Variants in PDE4B observed in about 807,000 individuals in gnomAD.
The protein encoded by PDE4B is phosphodiesterase 4B, also known as 3',5'-cyclic-AMP phosphodiesterase 4B.
Under a neutral mutation model 82.2 loss-of-function variants are expected in PDE4B, and 20 were observed. The ratio of observed to expected loss-of-function variants is 0.24; its 90% CI spans 0.17 to 0.35. PDE4B has a LOEUF of 0.35. Among genes scored for constraint, PDE4B ranks in the 10% least tolerant of loss-of-function variants. The pLI is 1.00. For synonymous variants in PDE4B, 320 were observed against 318.9 expected, an observed-to-expected ratio of 1.00 and a Z score of -0.04; for missense variants, 655 against 907.2, an observed-to-expected ratio of 0.72 and a Z score of 3.57.
chr1:66,325,567 C>T (rs372329710), intron 7 of PDE4B, among the ~76,000 whole-genome samples: 3 of 152,304 alleles, frequency 2.0e-5, no homozygotes, highest in Non-Finnish European at 2.9e-5. Flanking sequence ...TGTGAAAAAA[C>T]GATCCATCAG....
chr1:66,068,902 A>C (rs979987535), intron 3 of PDE4B, among the ~76,000 whole-genome samples: 1 of 151,992 alleles, frequency 6.6e-6, no homozygotes, highest in Non-Finnish European at 1.5e-5. Flanking sequence ...GGTTACCTGT[A>C]GGTAAGTGTC....
At position 66,372,826 on chromosome 1, in the gene PDE4B, AC is replaced by A; in HGVS notation, c.*150del. The A allele has an allele frequency of 1.4e-6, 1 of 721,406 alleles. No homozygotes were observed. Among genetic ancestry groups the A allele is most frequent in the Non-Finnish European group, 2.2e-6 (1 of 448,612 alleles). 44.7% of individuals were successfully genotyped at this position (721,406 alleles called of 1,614,324 possible). On this transcript the variant is annotated 3_prime_UTR_variant, in exon 17 of 17. Coordinates refer to ENST00000341517, the MANE Select transcript of PDE4B (RefSeq NM_002600.4). ...CTTGAGTTTGGAGTCAGAAAGCAAG[AC>A]CAGGAAGCAAATAGCAGCTCAGGAA...
intron 3 of PDE4B, among the ~76,000 whole-genome samples, chr1:66,237,376 T>C (rs1180027985): frequency 6.6e-6 from 1 of 152,164 alleles, no homozygotes; most frequent in Admixed American, 6.5e-5. Context: ...CGTCTCTACC[T>C]CCACCAAAAA....
At chr1:66,097,913 C>G (rs1645149384) in intron 3 of PDE4B, among the ~76,000 whole-genome samples, 1 of 150,246 alleles carries the variant, frequency 6.7e-6, no homozygotes, top group Admixed American at 6.6e-5. Context: ...GTTCTGGCAC[C>G]ATTGGGATAC....
chr1:66,222,554 T>C (rs1388698240), intron 3 of PDE4B, among the ~76,000 whole-genome samples: 1 of 152,222 alleles, frequency 6.6e-6, no homozygotes, highest in Non-Finnish European at 1.5e-5. Flanking sequence ...TAGAATCTTA[T>C]GGTCTAAAGG....
At chr1:66,287,932 C>A (rs1656797443) in intron 7 of PDE4B, among the ~76,000 whole-genome samples, 1 of 152,036 alleles carries the variant, frequency 6.6e-6, no homozygotes, top group East Asian at 1.9e-4. Flanking sequence ...TATGATTGTG[C>A]CACTGCACTC....
intron 3 of PDE4B, among the ~76,000 whole-genome samples, chr1:66,201,014 C>T (rs1648878060): frequency 6.6e-6 from 1 of 152,124 alleles, no homozygotes; most frequent in African/African-American, 2.4e-5. Flanking sequence ...TTTTGAGATA[C>T]ATCCCATCAA....
intron 3 of PDE4B, among the ~76,000 whole-genome samples, chr1:66,116,224 C>T (rs770672434): frequency 2.6e-4 from 39 of 151,208 alleles, no homozygotes; most frequent in Non-Finnish European, 5.0e-4. Flanking sequence ...TTTTTTTTAT[C>T]TGGGTCTCTC....
chr1:66,187,202 A>G (rs1008075776), intron 3 of PDE4B, among the ~76,000 whole-genome samples: 1 of 152,012 alleles, frequency 6.6e-6, no homozygotes, highest in Non-Finnish European at 1.5e-5. Context: ...CATGGTGGAT[A>G]AGCTTTTTGA....
At chr1:66,252,219 A>C (rs1653841572) in intron 4 of PDE4B, among the ~76,000 whole-genome samples, 1 of 152,200 alleles carries the variant, frequency 6.6e-6, no homozygotes, top group Non-Finnish European at 1.5e-5. Context: ...CTCTTACTAC[A>C]TGAAATAATG....
intron 3 of PDE4B, among the ~76,000 whole-genome samples, chr1:66,030,443 A>C (rs1653709758): frequency 6.6e-6 from 1 of 152,140 alleles, no homozygotes; most frequent in East Asian, 1.9e-4. Flanking sequence ...TTCTCCTTGC[A>C]TGTCTGGTAG....
rs12024253 is a variant in PDE4B, at chr1:65,813,782, C to G, written c.-71+20534C>G. Among the ~76,000 whole-genome samples the G allele has an allele frequency of 4.0e-3, 596 of 148,724 alleles. 23 individuals are homozygous for G. The East Asian group carries it at 0.097, about 24-fold the overall frequency. On this transcript the variant is annotated intron_variant, in intron 1 of 16. Transcript: ENST00000341517. The stretch of plus-strand genomic sequence containing the variant: ...GGTATTTTTTTCTTTGGCAGCAGTG[C>G]AAGAGTAGGAGAAGAAATTGGTTTG...
intron 3 of PDE4B, among the ~76,000 whole-genome samples, chr1:66,188,840 G>C (rs967873967): frequency 2.0e-5 from 3 of 152,242 alleles, no homozygotes; most frequent in Middle Eastern, 3.4e-3. Context: ...TTACATTTAA[G>C]GTTAGTATTG....
chr1:66,006,454 A>G (rs546111628), intron 3 of PDE4B, among the ~76,000 whole-genome samples: 3 of 152,188 alleles, frequency 2.0e-5, no homozygotes, highest in African/African-American at 7.2e-5. Context: ...TGTTAAGAGT[A>G]TATCAGTATA....
At chr1:66,145,498 A>G (rs972495980) in intron 3 of PDE4B, among the ~76,000 whole-genome samples, 1 of 152,142 alleles carries the variant, frequency 6.6e-6, no homozygotes, top group African/African-American at 2.4e-5. Context: ...ACTGACCCTT[A>G]GGTGCTATGG....
chr1:66,358,930 A>T (rs1662529412), intron 9 of PDE4B, among the ~76,000 whole-genome samples: 2 of 152,168 alleles, frequency 1.3e-5, no homozygotes, highest in Non-Finnish European at 2.9e-5. Flanking sequence ...GAGGACAGGG[A>T]GAAAGGCAGG....
chr1:66,289,912 T>G (rs1656950013), intron 7 of PDE4B, among the ~76,000 whole-genome samples: 1 of 151,924 alleles, frequency 6.6e-6, no homozygotes, highest in African/African-American at 2.4e-5. Flanking sequence ...ATGATGCTGA[T>G]AAATTAGATG....
chr1:65,877,246 C>T (rs1324591801), intron 1 of PDE4B, among the ~76,000 whole-genome samples: 1 of 152,086 alleles, frequency 6.6e-6, no homozygotes, highest in Non-Finnish European at 1.5e-5. Context: ...GAAATAACAC[C>T]ACACATCTAA....
chr1:65,973,517 T>C (rs1169582223), intron 3 of PDE4B, among the ~76,000 whole-genome samples: 1 of 152,166 alleles, frequency 6.6e-6, no homozygotes, highest in East Asian at 1.9e-4. Flanking sequence ...GCAAAGTTGT[T>C]ACTATATTTG....
Sources: gnomAD v4.1 joint callset for allele counts (sites outside exome capture counted in the v4.1 genomes callset) on GRCh38, gnomAD v4.1.1 for gene constraint, MANE v1.5 for transcripts, NCBI Gene and HGNC (gene_info 2026-07-23, HGNC 2026-07-21) for gene names.